CSMD2: variants seen among roughly 807,000 people sequenced by gnomAD.
The protein encoded by CSMD2 is CUB and sushi domain-containing protein 2.
CSMD2 carries 130 observed loss-of-function variants against 398.5 expected under a neutral mutation model. The observed-to-expected ratio is 0.33, with a 90% CI of 0.28 to 0.38. The LOEUF (loss-of-function observed/expected upper bound fraction) is 0.38. Among genes scored for constraint, CSMD2 ranks in the 10% least tolerant of loss-of-function variants. The pLI is 1.00. For synonymous variants in CSMD2, 1,828 were observed against 1,908.5 expected (o/e 0.96, Z 1.10); for missense variants, 3,829 against 4,764.9 (o/e 0.80, Z 5.78).
At chr1:33,527,170 G>A in intron 65 of CSMD2, 26 bp downstream of exon 65, 1 of 1,606,564 alleles carries the variant, frequency 6.2e-7, no homozygotes, top group Non-Finnish European at 8.5e-7. Context: ...CCAGTTTCTT[G>A]AGCCAATGAT....
chr1:34,161,861 A>C (rs1241536522), intron 1 of CSMD2, among the ~76,000 whole-genome samples: 1 of 152,126 alleles, frequency 6.6e-6, no homozygotes, highest in Non-Finnish European at 1.5e-5. Flanking sequence ...TTCACAGGTC[A>C]AAGGGAAATG....
intron 6 of CSMD2, among the ~76,000 whole-genome samples, chr1:33,843,802 C>T (rs1423681579): frequency 6.6e-6 from 1 of 152,218 alleles, no homozygotes; most frequent in Admixed American, 6.5e-5. Context: ...CTGATCCCCT[C>T]CTCACGCCCT....
At chr1:33,759,285 G>C (rs1649470858) in intron 13 of CSMD2, among the ~76,000 whole-genome samples, 1 of 150,496 alleles carries the variant, frequency 6.6e-6, no homozygotes, top group Non-Finnish European at 1.5e-5. Context: ...GTAGGAAGGG[G>C]TTAATCATAC....
chr1:33,757,748 C>T (rs773756987), intron 13 of CSMD2, among the ~76,000 whole-genome samples: 1 of 152,214 alleles, frequency 6.6e-6, no homozygotes, highest in African/African-American at 2.4e-5. Flanking sequence ...AATGACAACA[C>T]CCAGTTGCCT....
chr1:33,634,565 C>T (rs185943957), intron 31 of CSMD2, among the ~76,000 whole-genome samples: 3 of 152,168 alleles, frequency 2.0e-5, no homozygotes, highest in African/African-American at 4.8e-5. Flanking sequence ...CCTGGTTGCC[C>T]TTCATCTTCC....
intron 15 of CSMD2, among the ~76,000 whole-genome samples, chr1:33,738,301 G>A (rs1030037982): frequency 3.9e-5 from 6 of 152,100 alleles, no homozygotes; most frequent in African/African-American, 1.4e-4. Flanking sequence ...GTTTCCCCAA[G>A]GGGCCCTTGG....
chr1:33,986,853 C>T (rs1427462760), intron 3 of CSMD2, among the ~76,000 whole-genome samples: 5 of 152,190 alleles, frequency 3.3e-5, no homozygotes, highest in Non-Finnish European at 7.3e-5. Context: ...GGGACCAAGG[C>T]ACGGACATGC....
At chr1:33,614,325 T>A (rs1239663049) in intron 40 of CSMD2, among the ~76,000 whole-genome samples, 179 bp downstream of exon 40, 2 of 152,180 alleles carry the variant, frequency 1.3e-5, no homozygotes, top group Non-Finnish European at 2.9e-5. Context: ...TATGTTAATC[T>A]CTGCCATTCT....
chr1:33,599,168 G>A (rs1640042040), intron 44 of CSMD2: 1 of 152,260 alleles, frequency 6.6e-6, no homozygotes, highest in South Asian at 2.1e-4. Flanking sequence ...CTGAGAGGCA[G>A]AAGGAGCATT....
chr1:33,941,911 A>G (rs1333632169), intron 3 of CSMD2, among the ~76,000 whole-genome samples: 4 of 152,106 alleles, frequency 2.6e-5, no homozygotes, highest in Non-Finnish European at 5.9e-5. Context: ...TACAAATGAT[A>G]TGTATTTTTG....
intron 39 of CSMD2, among the ~76,000 whole-genome samples, chr1:33,616,369 CT>C (rs1260705230): frequency 6.6e-6 from 1 of 152,134 alleles, no homozygotes; most frequent in Non-Finnish European, 1.5e-5. Flanking sequence ...TCCTGAGTAG[CT>C]GAGATTACAA....
intron 4 of CSMD2, among the ~76,000 whole-genome samples, chr1:33,921,595 T>G (rs1643941102): frequency 6.6e-6 from 1 of 152,036 alleles, no homozygotes. Context: ...AGCCCGAACC[T>G]TCAAAAAAGC....
intron 12 of CSMD2, among the ~76,000 whole-genome samples, chr1:33,780,992 TG>T (rs1396912806): frequency 6.6e-6 from 1 of 151,698 alleles, no homozygotes; most frequent in African/African-American, 2.4e-5. Flanking sequence ...CTAGAGGGAG[TG>T]GTGAGTGATG....
At chr1:33,601,482 G>A (rs1000458232) in intron 43 of CSMD2, among the ~76,000 whole-genome samples, 2 of 152,162 alleles carry the variant, frequency 1.3e-5, no homozygotes, top group Non-Finnish European at 2.9e-5. Context: ...AACCCCTCCT[G>A]TCTGTTCCTA....
chr1:33,880,872 T>G (rs1641189735), intron 5 of CSMD2, among the ~76,000 whole-genome samples: 1 of 152,222 alleles, frequency 6.6e-6, no homozygotes, highest in African/African-American at 2.4e-5. Flanking sequence ...GGGCTCATAC[T>G]TGAAACCAGT....
chr1:33,904,657 G>GT lies in CSMD2; in HGVS notation c.920+13436dup, dbSNP rs1553249454. 3.3e-5 allele frequency among the ~76,000 whole-genome samples: 5 copies of GT among 152,042 alleles called. No homozygotes were observed. The South Asian group carries it at 1.0e-3, about 32-fold the overall frequency. On this transcript the variant is annotated intron_variant, in intron 5 of 70. Coordinates refer to ENST00000373381, the MANE Select transcript of CSMD2 (RefSeq NM_001281956.2). ...TAAAAATGGAATGATAGGTTTTTTT[G>GT]TTTGTTTTGTTTTGTTTTGTTTTTT...
chr1:33,546,820 T>C (rs1025043544), intron 56 of CSMD2, among the ~76,000 whole-genome samples: 3 of 152,156 alleles, frequency 2.0e-5, no homozygotes, highest in South Asian at 2.1e-4. Context: ...TAGCATAGCT[T>C]CATTTCTTAA....
intron 25 of CSMD2, among the ~76,000 whole-genome samples, chr1:33,687,230 C>A (rs965536408): frequency 8.5e-5 from 13 of 152,098 alleles, no homozygotes; most frequent in African/African-American, 3.1e-4. Flanking sequence ...GGCTCAAGTG[C>A]AAAATGCAGT....
intron 1 of CSMD2, among the ~76,000 whole-genome samples, chr1:34,137,181 T>C (rs1292283668): frequency 6.6e-6 from 1 of 151,954 alleles, no homozygotes; most frequent in Non-Finnish European, 1.5e-5. Flanking sequence ...ATCCCATCCA[T>C]CCGTCCACCC....
Sources: allele counts gnomAD v4.1 joint callset (sites outside exome capture counted in the v4.1 genomes callset), GRCh38; gene constraint gnomAD v4.1.1; transcripts MANE v1.5; gene names NCBI Gene and HGNC (gene_info 2026-07-23, HGNC 2026-07-21).